The following CNTNAP2 variants were observed in gnomAD, a reference collection of about 807,000 sequenced individuals.
The protein encoded by CNTNAP2 is contactin associated protein 2.
CNTNAP2 carries 98 observed loss-of-function variants against 155.2 expected under a neutral mutation model. The ratio of observed to expected loss-of-function variants is 0.63; its 90% CI spans 0.54 to 0.75. The LOEUF (loss-of-function observed/expected upper bound fraction) is 0.75, where lower values mean the gene tolerates loss of function less well. Among genes scored for constraint, CNTNAP2 ranks in the 30% least tolerant of loss-of-function variants. The probability of loss-of-function intolerance (pLI) is 0.00; values close to 1 mark genes in which losing one functional copy is unlikely to be tolerated. For missense variants in CNTNAP2, 1,727 were observed against 1,688.1 expected (o/e 1.02, Z -0.40); for synonymous variants, 651 against 631.2 (o/e 1.03, Z -0.47).
intron 1 of CNTNAP2, among the ~76,000 whole-genome samples, chr7:146,599,845 A>ATAG (rs1267720323): frequency 6.6e-6 from 1 of 150,916 alleles, no homozygotes; most frequent in Non-Finnish European, 1.5e-5. Context: ...AAGACACTAA[A>ATAG]TTTTTTGAAT....
chr7:148,118,050 G>T, intron 15 of CNTNAP2, 68 bp from the exon 16 acceptor site: 1 of 1,527,486 alleles, frequency 6.5e-7, no homozygotes, highest in Non-Finnish European at 9.0e-7. Context: ...TCAAGCAATG[G>T]GTATCTGTTA....
At chr7:148,215,872 G>A (rs1399629209) in intron 18 of CNTNAP2, among the ~76,000 whole-genome samples, 1 of 152,152 alleles carries the variant, frequency 6.6e-6, no homozygotes, top group East Asian at 1.9e-4. Flanking sequence ...TCTTTAACAA[G>A]AACAAACATC....
intron 8 of CNTNAP2, among the ~76,000 whole-genome samples, chr7:147,175,279 A>G (rs1451829932): frequency 6.6e-6 from 1 of 151,266 alleles, no homozygotes; most frequent in African/African-American, 2.4e-5. Flanking sequence ...TGTAACTCCT[A>G]TATTCCCTCC....
At chr7:148,179,335 C>T (rs1230193628) in intron 18 of CNTNAP2, among the ~76,000 whole-genome samples, 1 of 152,084 alleles carries the variant, frequency 6.6e-6, no homozygotes. Context: ...ATAGTGAGAA[C>T]TTGTCTCTAC....
chr7:147,488,830 A>G, intron 11 of CNTNAP2, among the ~76,000 whole-genome samples: 1 of 152,094 alleles, frequency 6.6e-6, no homozygotes. Flanking sequence ...AAATTATTTG[A>G]GCTTCAGTTT....
rs564044351 is a variant in CNTNAP2, at chr7:147,536,264, C to T, written c.1778-25874C>T. Reference sequence around the variant, plus strand: ...ATATATTTTCATTCATTTACTCATTCAACAAATATTTATTGAGCATCTATC... The same window carrying T: ...ATATATTTTCATTCATTTACTCATTTAACAAATATTTATTGAGCATCTATC... On this transcript the variant is annotated intron_variant, in intron 11 of 23. Coordinates refer to ENST00000361727, the MANE Select transcript of CNTNAP2 (RefSeq NM_014141.6). Among the ~76,000 whole-genome samples the T allele has an allele frequency of 4.6e-5, 7 of 152,324 alleles. No individual in the cohort carries two copies. The East Asian group carries it at 1.3e-3, about 29-fold the overall frequency.
chr7:146,623,517 A>G (rs1194452777), intron 1 of CNTNAP2, among the ~76,000 whole-genome samples: 1 of 152,200 alleles, frequency 6.6e-6, no homozygotes, highest in African/African-American at 2.4e-5. Context: ...ATATAATGAT[A>G]AAATACTTAA....
intron 1 of CNTNAP2, among the ~76,000 whole-genome samples, chr7:146,733,964 A>C (rs1801569638): frequency 3.3e-5 from 5 of 152,076 alleles, no homozygotes; most frequent in Admixed American, 3.3e-4. Context: ...TTCATTTAGC[A>C]TTTATTTTCA....
intron 13 of CNTNAP2, among the ~76,000 whole-genome samples, chr7:147,663,086 C>T (rs190146673): frequency 0.03 from 4,529 of 152,288 alleles, 101 homozygotes; most frequent in Non-Finnish European, 0.047. Context: ...GCAACCTCCA[C>T]TTCCCGGGTT....
At chr7:146,648,221 T>C (rs992217582) in intron 1 of CNTNAP2, among the ~76,000 whole-genome samples, 1 of 152,196 alleles carries the variant, frequency 6.6e-6, no homozygotes, top group Non-Finnish European at 1.5e-5. Flanking sequence ...TTTAAATAAG[T>C]TATTTTCAAG....
At chr7:146,814,796 A>G (rs1803132614) in intron 2 of CNTNAP2, among the ~76,000 whole-genome samples, 1 of 152,178 alleles carries the variant, frequency 6.6e-6, no homozygotes, top group South Asian at 2.1e-4. Flanking sequence ...TTAGGTATGC[A>G]ATATCCGCTT....
At chr7:147,848,578 C>T (rs1192620331) in intron 13 of CNTNAP2, among the ~76,000 whole-genome samples, 2 of 151,996 alleles carry the variant, frequency 1.3e-5, no homozygotes, top group Non-Finnish European at 2.9e-5. Context: ...ACGCTGGGAG[C>T]TGTAGACCGG....
intron 5 of CNTNAP2, among the ~76,000 whole-genome samples, chr7:147,112,601 G>T (rs901707405): frequency 2.0e-5 from 3 of 152,058 alleles, no homozygotes; most frequent in African/African-American, 7.2e-5. Context: ...TTTTATTCAA[G>T]AACTTTTCTG....
At chr7:146,662,150 T>TA (rs1378898508) in intron 1 of CNTNAP2, among the ~76,000 whole-genome samples, 2 of 152,178 alleles carry the variant, frequency 1.3e-5, no homozygotes, top group Non-Finnish European at 2.9e-5. Context: ...TCCTTTTTTT[T>TA]TTTTAGACGG....
chr7:146,491,809 T>C (rs920662063), intron 1 of CNTNAP2, among the ~76,000 whole-genome samples: 4 of 152,202 alleles, frequency 2.6e-5, no homozygotes, highest in African/African-American at 9.6e-5. Context: ...ATCCTCTGCC[T>C]ACTTTGTGAA....
chr7:146,684,625 T>C (rs1483287765), intron 1 of CNTNAP2, among the ~76,000 whole-genome samples: 1 of 74,048 alleles, frequency 1.4e-5, no homozygotes, highest in African/African-American at 5.6e-5. Flanking sequence ...CTTCGAGCAA[T>C]AATAGATCCA....
At chr7:148,326,186 A>G (rs1487866005) in intron 21 of CNTNAP2, among the ~76,000 whole-genome samples, 1 of 151,964 alleles carries the variant, frequency 6.6e-6, no homozygotes, top group African/African-American at 2.4e-5. Flanking sequence ...TACAGCCAAC[A>G]ATGAGAAATG....
chr7:146,563,213 T>C (rs183716341), intron 1 of CNTNAP2, among the ~76,000 whole-genome samples: 16 of 152,362 alleles, frequency 1.1e-4, no homozygotes, highest in Admixed American at 1.0e-3. Context: ...TCCTTAAATA[T>C]GACCAATGCT....
rs557539280 is a variant in CNTNAP2 at position 147,093,123 on chromosome 7, C to A, written c.551-15024C>A. 1.2e-4 allele frequency among the ~76,000 whole-genome samples: 18 copies of A among 150,862 alleles called. No individual in the cohort carries two copies. In the East Asian group the frequency reaches 3.3e-3, roughly 28 times the overall value. On this transcript the variant is annotated intron_variant, in intron 4 of 23. Coordinates refer to ENST00000361727, the MANE Select transcript of CNTNAP2 (RefSeq NM_014141.6). ...GGGCGTGGTGGCGGATGCCTGTAGT[C>A]CCAGCTACTCAGGAGGCTGAGGCAG...
Sources: allele counts gnomAD v4.1 joint callset (sites outside exome capture counted in the v4.1 genomes callset), GRCh38; gene constraint gnomAD v4.1.1; transcripts MANE v1.5; gene names NCBI Gene and HGNC (gene_info 2026-07-23, HGNC 2026-07-21).